The following PTPRD variants were observed in gnomAD, a reference collection of about 807,000 sequenced individuals.
PTPRD encodes the protein receptor-type tyrosine-protein phosphatase delta.
In PTPRD, 34 loss-of-function variants were observed where a neutral mutation model predicts 214.5. The ratio of observed to expected loss-of-function variants is 0.16; its 90% CI spans 0.12 to 0.21. The LOEUF is 0.21. Among genes scored for constraint, PTPRD ranks in the 10% least tolerant of loss-of-function variants. PTPRD has a pLI of 1.00. For synonymous variants in PTPRD, 1,128 were observed against 845.7 expected, an observed-to-expected ratio of 1.33 and a Z score of -5.79; for missense variants, 2,545 against 2,398.7, an observed-to-expected ratio of 1.06 and a Z score of -1.27.
chr9:9,983,121 T>C (rs2095600558), intron 4 of PTPRD, among the ~76,000 whole-genome samples: 2 of 152,222 alleles, frequency 1.3e-5, no homozygotes, highest in Middle Eastern at 3.4e-3. Flanking sequence ...GATAGGTGAT[T>C]TGGATGCAAA....
At chr9:9,510,750 T>A (rs987326152) in intron 8 of PTPRD, among the ~76,000 whole-genome samples, 3 of 151,582 alleles carry the variant, frequency 2.0e-5, no homozygotes, top group Admixed American at 6.6e-5. Flanking sequence ...TAATCATGCA[T>A]CCTTGATTTA....
At chr9:9,070,519 T>C (rs2099742216) in intron 10 of PTPRD, among the ~76,000 whole-genome samples, 1 of 152,272 alleles carries the variant, frequency 6.6e-6, no homozygotes, top group East Asian at 1.9e-4. Context: ...CAAGGGCACA[T>C]TCCTTCACAT....
chr9:8,849,215 C>T (rs1330572409), intron 11 of PTPRD, among the ~76,000 whole-genome samples: 1 of 136,878 alleles, frequency 7.3e-6, no homozygotes, highest in Non-Finnish European at 1.5e-5. Context: ...TCGCTTTGTC[C>T]CCCAGGCTGG....
At chr9:9,371,290 G>A (rs540783063) in intron 9 of PTPRD, among the ~76,000 whole-genome samples, 1 of 152,004 alleles carries the variant, frequency 6.6e-6, no homozygotes, top group Non-Finnish European at 1.5e-5. Context: ...CAATTTCAGA[G>A]CCTGTTATTG....
rs530452856 is a variant in PTPRD at position 9,486,792 on chromosome 9, C to T, written c.-237+87940G>A. On this transcript the variant is annotated intron_variant, in intron 8 of 45. Coordinates refer to ENST00000381196, the MANE Select transcript of PTPRD (RefSeq NM_002839.4). The stretch of plus-strand genomic sequence containing the variant: ...AAGCTCTCTTGAAATGTAGTATTTC[C>T]CCTATTACAACACTTAACATCATAC... Among the ~76,000 whole-genome samples the T allele has an allele frequency of 3.9e-5, 6 of 152,192 alleles. No homozygotes were observed. The East Asian group carries it at 7.8e-4, about 20-fold the overall frequency.
At chr9:8,774,526 A>ATTTTTTTTTT (rs2095382561) in intron 11 of PTPRD, among the ~76,000 whole-genome samples, 1 of 102,314 alleles carries the variant, frequency 9.8e-6, no homozygotes, top group African/African-American at 4.1e-5. Context: ...GTGAAAAGTA[A>ATTTTTTTTTT]CTTTTTTTTT....
At chr9:8,748,698 C>T (rs998984261) in intron 11 of PTPRD, among the ~76,000 whole-genome samples, 2 of 151,986 alleles carry the variant, frequency 1.3e-5, no homozygotes, top group Non-Finnish European at 2.9e-5. Context: ...GATCACCTGA[C>T]GTCAGGAGTT....
chr9:9,438,014 C>A (rs2086017492), intron 8 of PTPRD, among the ~76,000 whole-genome samples: 1 of 152,158 alleles, frequency 6.6e-6, no homozygotes, highest in South Asian at 2.1e-4. Context: ...CTGTTCTAGG[C>A]CTTTCTCCTT....
chr9:10,272,788 G>T (rs896279927), intron 3 of PTPRD, among the ~76,000 whole-genome samples: 14 of 152,192 alleles, frequency 9.2e-5, no homozygotes, highest in African/African-American at 3.4e-4. Context: ...TCTATAAACA[G>T]AAATGTTTGC....
intron 3 of PTPRD, among the ~76,000 whole-genome samples, chr9:10,243,577 C>T (rs1257162065): frequency 1.3e-5 from 2 of 151,904 alleles, no homozygotes; most frequent in African/African-American, 4.8e-5. Flanking sequence ...GTAAGATCCA[C>T]CCTTCACACT....
chr9:8,668,967 C>G (rs79888225), intron 12 of PTPRD, among the ~76,000 whole-genome samples: 223 of 152,218 alleles, frequency 1.5e-3, no homozygotes, highest in African/African-American at 5.0e-3. Flanking sequence ...CCTGTCCACC[C>G]CTTCCCCAGC....
intron 2 of PTPRD, among the ~76,000 whole-genome samples, chr9:10,349,667 T>C (rs1052906089): frequency 6.6e-6 from 1 of 152,172 alleles, no homozygotes; most frequent in Non-Finnish European, 1.5e-5. Context: ...TTTCATAATA[T>C]CTGTTGAATT....
At chr9:8,706,418 G>A (rs1203866942) in intron 12 of PTPRD, among the ~76,000 whole-genome samples, 1 of 152,134 alleles carries the variant, frequency 6.6e-6, no homozygotes, top group African/African-American at 2.4e-5. Flanking sequence ...CTTTATGGAA[G>A]CATCTCACAT....
At chr9:10,099,492 T>C (rs2098530107) in intron 3 of PTPRD, among the ~76,000 whole-genome samples, 1 of 151,804 alleles carries the variant, frequency 6.6e-6, no homozygotes, top group Non-Finnish European at 1.5e-5. Flanking sequence ...GTAAATACAA[T>C]TTAAGTGGTT....
chr9:9,039,042 C>A (rs2099631176), intron 10 of PTPRD, among the ~76,000 whole-genome samples: 1 of 151,998 alleles, frequency 6.6e-6, no homozygotes, highest in African/African-American at 2.4e-5. Flanking sequence ...GAAAATAAAA[C>A]AAGGTTGTGT....
At chr9:10,420,037 T>C (rs1401402706) in intron 2 of PTPRD, among the ~76,000 whole-genome samples, 1 of 151,798 alleles carries the variant, frequency 6.6e-6, no homozygotes, top group African/African-American at 2.4e-5. Flanking sequence ...GTCTTTATAC[T>C]GTTTAATTTC....
chr9:10,028,557 G>A (rs529498242), intron 4 of PTPRD, among the ~76,000 whole-genome samples: 2 of 152,286 alleles, frequency 1.3e-5, no homozygotes, highest in African/African-American at 2.4e-5. Flanking sequence ...GACTGAGGTG[G>A]TCTCAGATGG....
intron 8 of PTPRD, among the ~76,000 whole-genome samples, chr9:9,435,188 A>G (rs868696414): frequency 1.4e-4 from 21 of 152,022 alleles, no homozygotes; most frequent in Admixed American, 7.2e-4. Context: ...AAGAATTGCT[A>G]GTAAGTGGGA....
At chr9:10,156,821 G>A (rs749470026) in intron 3 of PTPRD, among the ~76,000 whole-genome samples, 18 of 152,154 alleles carry the variant, frequency 1.2e-4, no homozygotes, top group African/African-American at 2.7e-4. Flanking sequence ...GTGCTCGTAT[G>A]TTGAGTGCAT....
Sources: allele counts gnomAD v4.1 joint callset (sites outside exome capture counted in the v4.1 genomes callset), GRCh38; gene constraint gnomAD v4.1.1; transcripts MANE v1.5; gene names NCBI Gene and HGNC (gene_info 2026-07-23, HGNC 2026-07-21).